The following LBR variants were observed in gnomAD, a reference collection of about 807,000 sequenced individuals.
LBR encodes lamin B receptor, also known as delta(14)-sterol reductase LBR.
LBR carries 28 observed loss-of-function variants against 74.3 expected under a neutral mutation model. The ratio of observed to expected loss-of-function variants is 0.38; its 90% CI spans 0.28 to 0.52. The LOEUF (loss-of-function observed/expected upper bound fraction) is 0.52, where lower values mean the gene tolerates loss of function less well. Among genes scored for constraint, LBR ranks in the 20% least tolerant of loss-of-function variants. The pLI, the probability that LBR is intolerant of heterozygous loss-of-function variation, is 0.89. For missense variants in LBR, 717 were observed against 760.3 expected (o/e 0.94, Z 0.67); for synonymous variants, 228 against 269.3 (o/e 0.85, Z 1.50).
At position 225,412,578 on chromosome 1, in the gene LBR, A is replaced by C. The variant is rs1408746181; in HGVS notation, c.960T>G (p.His320Gln). The C allele has an allele frequency of 6.2e-7, 1 of 1,613,912 alleles. No individual in the cohort carries two copies. Among genetic ancestry groups the C allele is most frequent in the African/African-American group, 1.3e-5 (1 of 74,880 alleles). ...ACTGAAGAAAATGACTGTACACGTA[A>C]TGAAACTCTACGCCCTGGAAGAGAG... ...GTSLFQGVEF[H>Q]YVYSHFLQFA... The change falls in exon 8 of 14, where the codon CAT becomes CAG. Residue 320 changes from histidine (H) to glutamine (Q), a missense_variant. Transcript: ENST00000272163.
rs773992626 is a variant in LBR, at chr1:225,419,424, C to A, written c.479G>T (p.Ser160Ile). 2 of 1,613,212 alleles carry A rather than the reference C, an allele frequency of 1.2e-6. No individual in the cohort carries two copies. The highest frequency in any genetic ancestry group is 8.5e-7 in the Non-Finnish European group (1 of 1,179,226). The change falls in exon 5 of 14, where the codon AGT becomes ATT. Residue 160 changes from serine (S) to isoleucine (I), a missense_variant. Transcript: ENST00000272163. ...AAGGCTATACTGTGTTGCTATGTAA[C>A]TGCTTTCTTGTGACAAACTGAATTT... The part of the protein sequence containing the change: ...QEKFSLSQES[S>I]YIATQYSLRP...
chr1:225,421,787 T>C (rs2096127865), intron 3 of LBR, among the ~76,000 whole-genome samples: 1 of 152,258 alleles, frequency 6.6e-6, no homozygotes, highest in Non-Finnish European at 1.5e-5. Context: ...TTTTATACAC[T>C]GTAAAAACCT....
chr1:225,422,108 T>G lies in LBR; in HGVS notation c.335A>C (p.Glu112Ala). The change falls in exon 3 of 14, where the codon GAA (glutamate) becomes GCA (alanine). Residue 112 changes from glutamate (E) to alanine (A), a missense_variant. By Grantham distance (107) the Glu-to-Ala change is moderately radical. Coordinates refer to ENST00000272163, the MANE Select transcript of LBR (RefSeq NM_002296.4). ...HQADIKEARR[E>A]VEVKLTPLIL... ...CAGCGGAGTCAATTTAACTTCCACT[T>G]CCCTCCTTGCTTCCTTAATGTCGGC... 1 of 1,614,060 alleles carries G rather than the reference T, an allele frequency of 6.2e-7. No individual in the cohort carries two copies. The highest frequency in any genetic ancestry group is 8.5e-7 in the Non-Finnish European group (1 of 1,180,016).
intron 6 of LBR, among the ~76,000 whole-genome samples, chr1:225,417,048 T>C (rs1390843333): frequency 6.6e-6 from 1 of 152,154 alleles, no homozygotes; most frequent in East Asian, 1.9e-4. Flanking sequence ...TATATACATA[T>C]ATGACTTTAA....
At chr1:225,414,679 T>C (rs1031984427) in intron 7 of LBR, among the ~76,000 whole-genome samples, 9 of 152,256 alleles carry the variant, frequency 5.9e-5, no homozygotes, top group Admixed American at 2.6e-4. Flanking sequence ...ACAATGAACA[T>C]AGCCAAGTCC....
intron 10 of LBR, among the ~76,000 whole-genome samples, chr1:225,408,141 C>G (rs1006667458): frequency 2.0e-5 from 3 of 152,158 alleles, no homozygotes; most frequent in African/African-American, 7.2e-5. Flanking sequence ...CTCCTCCTAT[C>G]GAGTGGTAAT....
intron 8 of LBR, among the ~76,000 whole-genome samples, chr1:225,412,061 T>C (rs1196602643): frequency 6.6e-6 from 1 of 152,208 alleles, no homozygotes; most frequent in Non-Finnish European, 1.5e-5. Context: ...CCACCCGCCT[T>C]GGCCTCCCGA....
In LBR at chr1:225,402,816, CTTT is replaced by C. The variant is rs1376041725; in HGVS notation, c.*484_*486del. Reference sequence around the variant, plus strand: ...CTTTCAGCATTTAATATAGGCCCTTCTTTTTGCTTTCAAATTATATAATTAGTA... The same window carrying C: ...CTTTCAGCATTTAATATAGGCCCTTCTTGCTTTCAAATTATATAATTAGTA... On this transcript the variant is annotated 3_prime_UTR_variant, in exon 14 of 14. Transcript: ENST00000272163. The C allele has an allele frequency of 6.2e-6, 1 of 160,870 alleles. No individual in the cohort carries two copies. The highest frequency in any genetic ancestry group is 6.2e-5 in the Admixed American group (1 of 16,242). The allele number at this position is 160,870 out of a possible 1,614,324, so 10.0% of individuals were successfully genotyped here.
rs371750924 is a variant in LBR, at chr1:225,415,319, G to T, written c.851C>A (p.Thr284Lys). The T allele has an allele frequency of 2.6e-5, 41 of 1,593,272 alleles. No homozygotes were observed. Among genetic ancestry groups the T allele is most frequent in the Non-Finnish European group, 3.4e-5 (40 of 1,163,956 alleles). The change falls in exon 7 of 14, where the codon ACG (threonine) becomes AAG (lysine). Residue 284 changes from threonine to lysine, a missense_variant. Transcript: ENST00000272163. ...LLPIGKVVEG[T>K]PLIDGRRLKY... ...GAGTCTTCTTCCATCAATAAGAGGC[G>T]TTCCTTCTACAACCTTAAAAGAAAA...
chr1:225,422,237 G>A lies in LBR; in HGVS notation c.206C>T (p.Ser69Phe), dbSNP rs369299493. ...SFRQRKGGSTSSSPSRRRGSR... is the reference protein window; with the variant it reads ...SFRQRKGGSTFSSPSRRRGSR... ...CCCTCGGCGTCTGGAAGGGGAACTGGAAGTTGAGCCACCTTTCCTTTGCCT... is the reference window on the plus strand; with the variant it reads ...CCCTCGGCGTCTGGAAGGGGAACTGAAAGTTGAGCCACCTTTCCTTTGCCT... The change falls in exon 3 of 14, where the codon TCC (serine) becomes TTC (phenylalanine). Residue 69 changes from serine to phenylalanine, a missense_variant. Coordinates refer to ENST00000272163, the MANE Select transcript of LBR (RefSeq NM_002296.4). 2.0e-4 allele frequency: 322 copies of A among 1,613,764 alleles called. No individual in the cohort carries two copies. The highest frequency in any genetic ancestry group is 2.7e-4 in the Non-Finnish European group (317 of 1,180,042).
Position 225,409,406 on chromosome 1 carries a change from T to A in LBR, c.1314+885A>T, listed in dbSNP as rs532943283. On this transcript the variant is annotated intron_variant, in intron 10 of 13. Transcript: ENST00000272163. ...GCAATTTTGCATAGAAGGCCAAAAT[T>A]AAAGACCAGCCAGCAGGGGTGGGGG... is the stretch of plus-strand genomic sequence containing the variant. 2.0e-5 allele frequency among the ~76,000 whole-genome samples: 3 copies of A among 152,304 alleles called. No homozygotes were observed. In the East Asian group the frequency reaches 5.8e-4, roughly 29 times the overall value.
intron 3 of LBR, 69 bp from the exon 4 acceptor site, chr1:225,419,867 AACTT>A (rs1575228600): frequency 2.6e-6 from 3 of 1,141,706 alleles, no homozygotes; most frequent in South Asian, 1.3e-5. Context: ...TGATGGTAAA[AACTT>A]ACTGTTTTGG....
upstream of LBR, among the ~76,000 whole-genome samples, chr1:225,428,253 C>G (rs1352480963): frequency 1.3e-5 from 2 of 152,002 alleles, no homozygotes; most frequent in Admixed American, 6.5e-5. Flanking sequence ...TGCCTGGGGG[C>G]GGGGAGGCCG....
chr1:225,412,667 G>C (rs77532551), intron 7 of LBR, 22 bp from the exon 8 acceptor site: 1 of 1,432,614 alleles, frequency 7.0e-7, no homozygotes, highest in Admixed American at 1.8e-5. Context: ...AAAAAAAAAG[G>C]AAGTGGAAAA....
chr1:225,426,711 GC>G (rs1383794936), intron 1 of LBR, among the ~76,000 whole-genome samples: 2 of 152,158 alleles, frequency 1.3e-5, no homozygotes, highest in Non-Finnish European at 2.9e-5. Context: ...TCACACCTGA[GC>G]CCCGGTAGCC....
chr1:225,426,428 T>G (rs2096139228), intron 1 of LBR, among the ~76,000 whole-genome samples: 3 of 152,216 alleles, frequency 2.0e-5, no homozygotes, highest in African/African-American at 7.2e-5. Flanking sequence ...AAAAATTTTG[T>G]TCACTGCACC....
chr1:225,412,418 A>G, intron 8 of LBR, 36 bp downstream of exon 8: 1 of 1,593,004 alleles, frequency 6.3e-7, no homozygotes. Context: ...GGGCTCTGGG[A>G]CGCATTCATC....
At chr1:225,406,934 G>T in intron 10 of LBR, 102 bp from the exon 11 acceptor site, 1 of 1,112,468 alleles carries the variant, frequency 9.0e-7, no homozygotes, top group African/African-American at 1.6e-5. Flanking sequence ...CTATGGGCGG[G>T]TCCACAATCA....
At chr1:225,411,589 C>T in intron 8 of LBR, 149 bp from the exon 9 acceptor site, 1 of 700,560 alleles carries the variant, frequency 1.4e-6, no homozygotes. Flanking sequence ...GACAGGACGG[C>T]ACAGACGAGC....
Sources: allele counts gnomAD v4.1 joint callset (sites outside exome capture counted in the v4.1 genomes callset), GRCh38; gene constraint gnomAD v4.1.1; transcripts MANE v1.5; gene names NCBI Gene and HGNC (gene_info 2026-07-23, HGNC 2026-07-21).